Variants in ESYT2 observed in about 807,000 individuals in gnomAD.
ESYT2 encodes the protein extended synaptotagmin 2.
Under a neutral mutation model 107.2 loss-of-function variants are expected in ESYT2, and 54 were observed. That is an observed-to-expected ratio of 0.50 (90% CI 0.40 to 0.63). ESYT2 has a LOEUF of 0.63. ESYT2 is among the 30% of genes least tolerant of loss of function. The pLI is 0.00. For synonymous variants in ESYT2, 491 were observed against 434.1 expected, an observed-to-expected ratio of 1.13 and a Z score of -1.63; for missense variants, 1,020 against 1,094.5, an observed-to-expected ratio of 0.93 and a Z score of 0.96.
intron 1 of ESYT2, among the ~76,000 whole-genome samples, chr7:158,800,729 C>CTTTTTTT (rs749928921): frequency 1.7e-5 from 2 of 118,520 alleles, no homozygotes; most frequent in African/African-American, 3.3e-5. Flanking sequence ...TTTTTCTTTT[C>CTTTTTTT]TTTTCTTTTT....
chr7:158,794,645 G>A (rs984082286), intron 3 of ESYT2, among the ~76,000 whole-genome samples: 5 of 152,062 alleles, frequency 3.3e-5, no homozygotes, highest in African/African-American at 4.8e-5. Flanking sequence ...GCGTGGTGGC[G>A]TGCACCTGTA....
intron 6 of ESYT2, among the ~76,000 whole-genome samples, chr7:158,780,250 C>A (rs1378023568): frequency 6.6e-6 from 1 of 152,220 alleles, no homozygotes; most frequent in African/African-American, 2.4e-5. Flanking sequence ...GGCCACACGC[C>A]AGGCTCCAAG....
chr7:158,809,474 C>CAAAAAA (rs67422901), intron 1 of ESYT2, among the ~76,000 whole-genome samples: 912 of 49,634 alleles, frequency 0.018, 58 homozygotes, highest in East Asian at 0.07. Context: ...GAATCCATCT[C>CAAAAAA]AAAAAAAAAA....
intron 20 of ESYT2, 62 bp downstream of exon 20, chr7:158,736,986 G>C (rs1836978846): frequency 1.3e-6 from 2 of 1,598,406 alleles, no homozygotes; most frequent in East Asian, 2.3e-5. Context: ...GCACCATTTA[G>C]GGCCTTCTTA....
intron 16 of ESYT2, among the ~76,000 whole-genome samples, chr7:158,746,097 C>A (rs1311987331): frequency 6.6e-6 from 1 of 152,032 alleles, no homozygotes; most frequent in Non-Finnish European, 1.5e-5. Context: ...AGAGAGAAGA[C>A]AGGCCAGGCA....
At chr7:158,771,352 G>A (rs6969349) in intron 7 of ESYT2, among the ~76,000 whole-genome samples, 16,344 of 152,290 alleles carry the variant, frequency 0.11, 924 homozygotes, top group African/African-American at 0.13. Flanking sequence ...TGGCTAAACA[G>A]TATCTCCTCC....
chr7:158,777,180 T>G (rs842442), intron 6 of ESYT2, among the ~76,000 whole-genome samples: 126,700 of 152,032 alleles, frequency 0.83, 53,347 homozygotes, highest in Non-Finnish European at 0.89. Flanking sequence ...TGAGAGGCGT[T>G]CAACTCTGTC....
In ESYT2 at chr7:158,734,454, T is replaced by C. The variant is rs1836847197; in HGVS notation, c.2523A>G (p.Ala841=). 6.2e-7 allele frequency: 1 copy of C among 1,613,836 alleles called. No individual in the cohort carries two copies. Among genetic ancestry groups the C allele is most frequent in the South Asian group, 1.1e-5 (1 of 91,058 alleles). ...GLLGKVLVAL[A]SEELAKGWTQ... is the part of the protein sequence containing the mutation. ...TCCAGCCTTTGGCAAGTTCTTCAGA[T>C]GCCAGAGCAACCAATACCTGTGGGT... Residue 841 remains alanine (A), a synonymous_variant, in exon 22 of 23, where the codon GCA becomes GCG. Transcript: ENST00000275418.
At chr7:158,810,790 G>T (rs1314023641) in intron 1 of ESYT2, among the ~76,000 whole-genome samples, 54 of 152,138 alleles carry the variant, frequency 3.5e-4, no homozygotes, top group Non-Finnish European at 1.0e-4. Flanking sequence ...TTACTGGGTG[G>T]CTAGGGTAGG....
chr7:158,813,622 T>G (rs55904894), intron 1 of ESYT2, among the ~76,000 whole-genome samples: 10,066 of 152,300 alleles, frequency 0.066, 455 homozygotes, highest in Middle Eastern at 0.14. Flanking sequence ...CCATTGCTAG[T>G]AGACTTGCAC....
chr7:158,749,574 T>C, intron 15 of ESYT2, 75 bp downstream of exon 15: 1 of 1,408,226 alleles, frequency 7.1e-7, no homozygotes, highest in Admixed American at 1.8e-5. Context: ...CAACCCGGCA[T>C]CCCCAGGTGA....
intron 6 of ESYT2, among the ~76,000 whole-genome samples, chr7:158,782,425 A>G (rs1322848790): frequency 2.0e-5 from 3 of 149,360 alleles, no homozygotes; most frequent in South Asian, 2.1e-4. Context: ...TGTGAGAACA[A>G]AGTGAGGTGT....
chr7:158,782,537 A>AAATGAC (rs1554586998), intron 6 of ESYT2, among the ~76,000 whole-genome samples: 14 of 143,250 alleles, frequency 9.8e-5, no homozygotes, highest in African/African-American at 3.3e-4. Context: ...GAGTGTAAGA[A>AAATGAC]AATGAGTGTG....
At chr7:158,756,527 C>A (rs149867939) in intron 13 of ESYT2, among the ~76,000 whole-genome samples, 2 of 152,164 alleles carry the variant, frequency 1.3e-5, no homozygotes, top group East Asian at 1.9e-4. Flanking sequence ...TCTATCTTCA[C>A]GTGACCATCC....
chr7:158,763,297 T>TA (rs1838039024), intron 9 of ESYT2, 132 bp from the exon 10 acceptor site: 1 of 406,740 alleles, frequency 2.5e-6, no homozygotes, highest in African/African-American at 2.1e-5. Flanking sequence ...TTTATTTATT[T>TA]ATTTATTTAT....
In ESYT2 at chr7:158,741,637, A is replaced by G. The variant is rs750365571; in HGVS notation, c.2054T>C (p.Leu685Pro). 2.1e-5 allele frequency: 34 copies of G among 1,613,540 alleles called. 1 individual carries two copies. The highest frequency in any genetic ancestry group is 1.6e-4 in the Middle Eastern group (1 of 6,062). ...LHDLGRSSSS[L>P]LASPGHISVK... ...TGAGATGTGGCCTGGGGAGGCCAGG[A>G]GGCTGGAGGAGCTTCTGCCCAGGTC... Residue 685 changes from leucine to proline, a missense_variant, in exon 18 of 23, where the codon CTC (leucine) becomes CCC (proline). By Grantham distance (98) the Leu-to-Pro change is moderately conservative. Coordinates refer to ENST00000275418, the MANE Select transcript of ESYT2 (RefSeq NM_001367773.1).
At chr7:158,748,602 G>A (rs918194655) in intron 15 of ESYT2, among the ~76,000 whole-genome samples, 7 of 152,156 alleles carry the variant, frequency 4.6e-5, no homozygotes, top group Non-Finnish European at 1.0e-4. Context: ...TTGCACCAAC[G>A]TAATAGCTCC....
chr7:158,763,005 T>G (rs1249590579), intron 10 of ESYT2, 78 bp downstream of exon 10: 4 of 980,114 alleles, frequency 4.1e-6, no homozygotes, highest in Non-Finnish European at 4.6e-6. Flanking sequence ...CAAATGTATT[T>G]TAAAACATAC....
intron 13 of ESYT2, among the ~76,000 whole-genome samples, chr7:158,757,815 A>C (rs1279657080): frequency 6.6e-6 from 1 of 151,640 alleles, no homozygotes; most frequent in African/African-American, 2.4e-5. Flanking sequence ...TTTCAATTTA[A>C]TGTGACAACA....
Sources: allele counts gnomAD v4.1 joint callset (sites outside exome capture counted in the v4.1 genomes callset), GRCh38; gene constraint gnomAD v4.1.1; transcripts MANE v1.5; gene names NCBI Gene and HGNC (gene_info 2026-07-23, HGNC 2026-07-21).